The following IFT140 variants were observed in gnomAD, a reference collection of about 807,000 sequenced individuals.
The protein encoded by IFT140 is intraflagellar transport 140.
In IFT140, 133 loss-of-function variants were observed where a neutral mutation model predicts 164.6. The ratio of observed to expected loss-of-function variants is 0.81; its 90% CI spans 0.70 to 0.93. IFT140 has a LOEUF of 0.93. Among genes scored for constraint, IFT140 ranks in the 40% least tolerant of loss-of-function variants. The pLI, the probability that IFT140 is intolerant of heterozygous loss-of-function variation, is 0.00. For synonymous variants in IFT140, 860 were observed against 817.3 expected (o/e 1.05, Z -0.89); for missense variants, 2,045 against 1,972.3 (o/e 1.04, Z -0.70).
At chr16:1,539,154 C>G (rs556681009) in intron 19 of IFT140, among the ~76,000 whole-genome samples, 35 of 149,068 alleles carry the variant, frequency 2.3e-4, no homozygotes, top group African/African-American at 8.2e-4. Flanking sequence ...TCAGGCCTCA[C>G]CAAGCTGCAC....
intron 14 of IFT140, among the ~76,000 whole-genome samples, chr16:1,568,778 AAAC>A (rs2033860099): frequency 6.6e-6 from 1 of 152,008 alleles, no homozygotes; most frequent in Non-Finnish European, 1.5e-5. Flanking sequence ...AAAAAAAACA[AAAC>A]AACGCTGCTG....
chr16:1,567,289 C>G (rs904430217), intron 15 of IFT140, among the ~76,000 whole-genome samples: 13 of 152,198 alleles, frequency 8.5e-5, no homozygotes, highest in African/African-American at 3.1e-4. Context: ...TGACATTATC[C>G]TCATCCTTCT....
At chr16:1,563,909 G>A (rs2033565720) in intron 17 of IFT140, 88 bp downstream of exon 17, 2 of 1,349,756 alleles carry the variant, frequency 1.5e-6, no homozygotes, top group Non-Finnish European at 2.0e-6. Flanking sequence ...TCACAGGCGT[G>A]AGCCACCGTG....
At chr16:1,583,038 T>C (rs2034660414) in intron 12 of IFT140, among the ~76,000 whole-genome samples, 1 of 151,466 alleles carries the variant, frequency 6.6e-6, no homozygotes, top group South Asian at 2.1e-4. Flanking sequence ...GTGCATGGTC[T>C]GGAAACATTT....
rs1480279504 is a variant in IFT140, at chr16:1,520,755, C to A, written c.3507G>T (p.Glu1169Asp). Reference protein sequence around the residue: ...CLGQNMSITEEMAEKMTVAKD... With the variant: ...CLGQNMSITEDMAEKMTVAKD... Reference sequence around the variant, plus strand: ...TGGCCACGGTCATCTTTTCCGCCATCTCCTCGGTGATGCTCATGTTCTGCC... The same window carrying A: ...TGGCCACGGTCATCTTTTCCGCCATATCCTCGGTGATGCTCATGTTCTGCC... The change falls in exon 27 of 31, where the codon GAG (glutamate) becomes GAT (aspartate). Residue 1169 changes from glutamate to aspartate, a missense_variant. Glu to Asp is a conservative substitution (Grantham distance 45). Transcript: ENST00000426508. 1 of 1,609,256 alleles carries A rather than the reference C, an allele frequency of 6.2e-7. No homozygotes were observed. The highest frequency in any genetic ancestry group is 1.7e-5 in the Admixed American group (1 of 60,000).
At chr16:1,552,179 G>C (rs1596350439) in intron 19 of IFT140, among the ~76,000 whole-genome samples, 1 of 152,158 alleles carries the variant, frequency 6.6e-6, no homozygotes, top group African/African-American at 2.4e-5. Context: ...AGCCTGGTGA[G>C]GGGGAGAAAC....
chr16:1,594,249 C>G (rs2035338618), intron 4 of IFT140, among the ~76,000 whole-genome samples: 1 of 150,570 alleles, frequency 6.6e-6, no homozygotes, highest in Admixed American at 6.6e-5. Flanking sequence ...GAGACAGGGT[C>G]TCACTGTGTC....
intron 13 of IFT140, among the ~76,000 whole-genome samples, chr16:1,575,553 A>G (rs1443850423): frequency 6.6e-6 from 1 of 152,116 alleles, no homozygotes; most frequent in Non-Finnish European, 1.5e-5. Flanking sequence ...CCTGTTTCTG[A>G]AAATAAAATA....
At chr16:1,530,946 G>A (rs1034377902) in intron 19 of IFT140, 1 of 152,360 alleles carries the variant, frequency 6.6e-6, no homozygotes, top group Admixed American at 6.5e-5. Context: ...CTGCCTGCCA[G>A]GCCGAGGCTG....
chr16:1,560,235 C>T (rs969674896), intron 18 of IFT140, among the ~76,000 whole-genome samples: 4 of 152,218 alleles, frequency 2.6e-5, no homozygotes, highest in African/African-American at 9.6e-5. Context: ...TCACACGATG[C>T]TTTCCCAGTC....
At chr16:1,569,075 G>A (rs1374405889) in intron 14 of IFT140, among the ~76,000 whole-genome samples, 1 of 150,964 alleles carries the variant, frequency 6.6e-6, no homozygotes, top group African/African-American at 2.4e-5. Context: ...CGCCATCTCG[G>A]CTCACTGCAA....
In IFT140 at chr16:1,566,153, A is replaced by G; in HGVS notation, c.1901+8T>C. The stretch of plus-strand genomic sequence containing the variant: ...TTCCAACAAAATCCTCCTGAACCAC[A>G]ATCTTACTTATTAGTCTCTTGCTCA... On this transcript the variant is annotated splice_region_variant and intron_variant, in intron 16 of 30. Coordinates refer to ENST00000426508, the MANE Select transcript of IFT140 (RefSeq NM_014714.4). 2.5e-6 allele frequency: 4 copies of G among 1,611,614 alleles called. No homozygotes were observed. Among genetic ancestry groups the G allele is most frequent in the Non-Finnish European group, 3.4e-6 (4 of 1,178,706 alleles).
At chr16:1,521,499 C>T (rs1348856542) in intron 26 of IFT140, among the ~76,000 whole-genome samples, 2 of 152,268 alleles carry the variant, frequency 1.3e-5, no homozygotes, top group African/African-American at 2.4e-5. Flanking sequence ...AGCCATTCTC[C>T]TGCCTCAGCC....
In IFT140 at chr16:1,604,253, C is replaced by A. The variant is rs945358204; in HGVS notation, c.148-1662G>T. ...TGGCAACAGGGGAGCCGCTGACCAG[C>A]GCTGCATCGCGCTGCAAGGGCGTGT... On this transcript the variant is annotated intron_variant, in intron 3 of 30. Transcript: ENST00000426508. Among the ~76,000 whole-genome samples, 11 of 138,986 alleles carry A rather than the reference C, an allele frequency of 7.9e-5. No individual in the cohort carries two copies. In the East Asian group the frequency reaches 1.8e-3, roughly 23 times the overall value. The allele number at this position is 138,986 out of a possible 152,430, so 91.2% of individuals were successfully genotyped here.
At position 1,553,232 on chromosome 16, in the gene IFT140, CTCTGTG is replaced by C. The variant is rs2032818749; in HGVS notation, c.2399+4697_2399+4702del. ...TCTGTCTCTCTCTGTCTCCATCTGT[CTCTGTG>C]TCTGTCTCTGTCTCTCTGTATCTCT... On this transcript the variant is annotated intron_variant, in intron 19 of 30. Transcript: ENST00000426508. This position sits in a 1 kb window ranked among gnomAD's most constrained non-coding sequence, Gnocchi z 4.4. The C allele has an allele frequency of 1.0e-6, 1 of 978,762 alleles. No homozygotes were observed. Among genetic ancestry groups the C allele is most frequent in the Non-Finnish European group, 1.2e-6 (1 of 824,552 alleles). The allele number at this position is 978,762 out of a possible 1,614,324, so 60.6% of individuals were successfully genotyped here. A position where few individuals can be genotyped will look rare whatever the true frequency, so the allele number is the denominator to read the frequency against.
intron 19 of IFT140, 21 bp from the exon 20 acceptor site, chr16:1,526,817 G>C (rs1045305239): frequency 3.1e-6 from 5 of 1,599,124 alleles, no homozygotes; most frequent in East Asian, 4.5e-5. Flanking sequence ...ACGGGGGTCT[G>C]TGAGGCTCCT....
intron 15 of IFT140, among the ~76,000 whole-genome samples, chr16:1,566,735 G>A (rs534552223): frequency 3.3e-5 from 5 of 152,158 alleles, no homozygotes; most frequent in Admixed American, 1.3e-4. Context: ...TCTCCCCCAT[G>A]GCACCTCCGG....
In IFT140 at chr16:1,518,341, G is replaced by A. The variant is rs1225653237; in HGVS notation, c.4057C>T (p.Pro1353Ser). 1 of 1,613,982 alleles carries A rather than the reference G, an allele frequency of 6.2e-7. No individual in the cohort carries two copies. Among genetic ancestry groups the A allele is most frequent in the South Asian group, 1.1e-5 (1 of 91,078 alleles). The part of the protein sequence containing the change: ...IQARRTYTED[P>S]KESIKQCELL... ...TCACACTGCTTGATGGACTCCTTGG[G>A]GTCCTCTGTGTACGTCCTGCCGAGA... Residue 1353 changes from proline (P) to serine (S), a missense_variant, in exon 30 of 31, where the codon CCC becomes TCC. By Grantham distance (74) the Pro-to-Ser change is moderately conservative. Transcript: ENST00000426508.
At chr16:1,611,810 T>C (rs2036326464) in intron 1 of IFT140, among the ~76,000 whole-genome samples, 158 bp downstream of exon 1, 1 of 142,848 alleles carries the variant, frequency 7.0e-6, no homozygotes, top group Non-Finnish European at 1.5e-5. Flanking sequence ...CGAAACTCCG[T>C]CTCAAAAAAA....
Sources: gnomAD v4.1 joint callset for allele counts (sites outside exome capture counted in the v4.1 genomes callset) on GRCh38, gnomAD v4.1.1 for gene constraint, Gnocchi (gnomAD v3.1) non-coding constraint, MANE v1.5 for transcripts, NCBI Gene and HGNC (gene_info 2026-07-23, HGNC 2026-07-21) for gene names.